SLC24A2: variants seen among roughly 807,000 people sequenced by gnomAD.
The protein encoded by SLC24A2 is sodium/potassium/calcium exchanger 2.
A neutral mutation model predicts 62.0 loss-of-function variants in SLC24A2; 36 were observed. The observed-to-expected ratio is 0.58, with a 90% CI of 0.44 to 0.77. SLC24A2 has a LOEUF of 0.77. SLC24A2 is among the 30% of genes least tolerant of loss of function. SLC24A2 has a pLI of 0.00. For missense variants in SLC24A2, 846 were observed against 817.9 expected, an observed-to-expected ratio of 1.03 and a Z score of -0.42; for synonymous variants, 358 against 294.0, an observed-to-expected ratio of 1.22 and a Z score of -2.23.
At chr9:20,247,126 C>T in the SLC24A2 span, among the ~76,000 whole-genome samples, 2 of 152,190 alleles carry the variant, frequency 1.3e-5, no homozygotes, top group Non-Finnish European at 2.9e-5. Context: ...GAAATCTTCA[C>T]AGGTTTCTCT....
intron 2 of SLC24A2, among the ~76,000 whole-genome samples, chr9:19,673,506 T>C (rs572380876): frequency 1.1e-4 from 17 of 152,222 alleles, no homozygotes; most frequent in Middle Eastern, 3.4e-3. Context: ...TGGAGTGCAG[T>C]GGCACGATAT....
the SLC24A2 span, among the ~76,000 whole-genome samples, chr9:20,206,332 T>C: frequency 6.6e-6 from 1 of 152,160 alleles, no homozygotes; most frequent in Non-Finnish European, 1.5e-5. Flanking sequence ...CAGAAGCAGA[T>C]ATGAGAATTC....
At chr9:19,707,558 G>A (rs1032397113) in intron 2 of SLC24A2, among the ~76,000 whole-genome samples, 29 of 152,274 alleles carry the variant, frequency 1.9e-4, no homozygotes, top group Middle Eastern at 6.8e-3. Context: ...TATCCACCAT[G>A]ATCAAGTGGG....
At chr9:20,249,735 T>C in the SLC24A2 span, among the ~76,000 whole-genome samples, 5 of 145,726 alleles carry the variant, frequency 3.4e-5, no homozygotes, top group African/African-American at 1.0e-4. Context: ...AATGAGACAG[T>C]CTGAAATGTC....
intron 2 of SLC24A2, among the ~76,000 whole-genome samples, chr9:19,636,284 CT>C (rs1564009423): frequency 3.0e-4 from 23 of 75,980 alleles, no homozygotes; most frequent in African/African-American, 1.3e-3. Context: ...TTCTCTTCTT[CT>C]CTTCTTTTCT....
chr9:19,693,681 A>G (rs1820105681), intron 2 of SLC24A2, among the ~76,000 whole-genome samples: 2 of 152,100 alleles, frequency 1.3e-5, no homozygotes, highest in Admixed American at 6.6e-5. Context: ...TCCCTCCTAA[A>G]AGGTCAGTTT....
the SLC24A2 span, among the ~76,000 whole-genome samples, chr9:20,098,056 C>G: frequency 1.3e-5 from 2 of 151,916 alleles, no homozygotes; most frequent in Non-Finnish European, 2.9e-5. Context: ...CTTAAATAAT[C>G]TTAAGAAGAT....
intron 7 of SLC24A2, among the ~76,000 whole-genome samples, chr9:19,570,539 ATAT>A (rs563925511): frequency 4.7e-4 from 71 of 152,340 alleles, no homozygotes; most frequent in Admixed American, 1.4e-3. Context: ...TACTCCCCAA[ATAT>A]TATATACATA....
intron 2 of SLC24A2, among the ~76,000 whole-genome samples, chr9:19,680,695 A>G (rs779566801): frequency 1.5e-4 from 23 of 151,858 alleles, no homozygotes; most frequent in Non-Finnish European, 1.3e-4. Context: ...CATGACTCAG[A>G]TTTACTTATT....
At chr9:19,884,742 C>A in the SLC24A2 span, among the ~76,000 whole-genome samples, 1 of 151,960 alleles carries the variant, frequency 6.6e-6, no homozygotes, top group Non-Finnish European at 1.5e-5. Context: ...GTACAGTATT[C>A]AATAAATTAC....
chr9:19,718,128 T>A (rs1245686561), intron 2 of SLC24A2, among the ~76,000 whole-genome samples: 1 of 150,204 alleles, frequency 6.7e-6, no homozygotes, highest in African/African-American at 2.5e-5. Context: ...AGGCACATGC[T>A]GCCACACCCG....
At chr9:19,660,910 T>C (rs550339720) in intron 2 of SLC24A2, among the ~76,000 whole-genome samples, 1 of 152,290 alleles carries the variant, frequency 6.6e-6, no homozygotes, top group South Asian at 2.1e-4. Flanking sequence ...GGAGAGGTTT[T>C]GTAATTTTTT....
At chr9:20,208,762 A>G in the SLC24A2 span, among the ~76,000 whole-genome samples, 1 of 152,172 alleles carries the variant, frequency 6.6e-6, no homozygotes, top group Non-Finnish European at 1.5e-5. Flanking sequence ...ATAACTCAAG[A>G]GAGTCATGAC....
the SLC24A2 span, among the ~76,000 whole-genome samples, chr9:19,904,160 T>G: frequency 1.3e-5 from 2 of 152,222 alleles, no homozygotes; most frequent in East Asian, 3.8e-4. Context: ...TCACTTGATC[T>G]TGTTAGATAT....
the SLC24A2 span, among the ~76,000 whole-genome samples, chr9:20,125,648 G>A: frequency 3.0e-4 from 45 of 152,264 alleles, no homozygotes; most frequent in Middle Eastern, 3.4e-3. Context: ...ACTCACCTAT[G>A]AGTTGCAGTC....
chr9:20,040,038 G>A, the SLC24A2 span, among the ~76,000 whole-genome samples: 1 of 152,168 alleles, frequency 6.6e-6, no homozygotes, highest in African/African-American at 2.4e-5. Context: ...ATAAAATAAG[G>A]TTGAAATTAT....
At chr9:20,098,981 C>CA in the SLC24A2 span, among the ~76,000 whole-genome samples, 1 of 152,166 alleles carries the variant, frequency 6.6e-6, no homozygotes, top group Non-Finnish European at 1.5e-5. Context: ...AGAAAGCCAG[C>CA]AAAGGAATAA....
the SLC24A2 span, among the ~76,000 whole-genome samples, chr9:20,044,272 T>C: frequency 1.3e-5 from 2 of 152,230 alleles, no homozygotes; most frequent in African/African-American, 4.8e-5. Flanking sequence ...ACTTGCTTTA[T>C]TGTGATGGTC....
the SLC24A2 span, among the ~76,000 whole-genome samples, chr9:20,262,508 C>T: frequency 1.4e-3 from 217 of 152,316 alleles, 2 homozygotes; most frequent in African/African-American, 5.0e-3. Flanking sequence ...GCTTTGCTGG[C>T]CACTGGCACC....
Sources: allele counts gnomAD v4.1 joint callset (sites outside exome capture counted in the v4.1 genomes callset), GRCh38; gene constraint gnomAD v4.1.1; transcripts MANE v1.5; gene names NCBI Gene and HGNC (gene_info 2026-07-23, HGNC 2026-07-21).